The following LRRC37A3 variants were observed in gnomAD, a reference collection of about 807,000 sequenced individuals.
The protein encoded by LRRC37A3 is leucine rich repeat containing 37 member A3.
Under a neutral mutation model 106.2 loss-of-function variants are expected in LRRC37A3, and 25 were observed. That is an observed-to-expected ratio of 0.24 (90% CI 0.17 to 0.33). The LOEUF (loss-of-function observed/expected upper bound fraction) is 0.33, where lower values mean the gene tolerates loss of function less well. LRRC37A3 is among the 10% of genes least tolerant of loss of function. LRRC37A3 has a pLI of 1.00. For missense variants in LRRC37A3, 712 were observed against 1,644.9 expected (o/e 0.43, Z 9.81); for synonymous variants, 305 against 635.8 (o/e 0.48, Z 7.83).
intron 1 of LRRC37A3, among the ~76,000 whole-genome samples, chr17:64,919,104 G>A (rs1273272013): frequency 6.6e-6 from 1 of 151,684 alleles, no homozygotes; most frequent in African/African-American, 2.4e-5. Context: ...CAGCCTGGGC[G>A]GCGGCCCACC....
intron 2 of LRRC37A3, among the ~76,000 whole-genome samples, chr17:64,909,435 C>A (rs1462019952): frequency 6.6e-6 from 1 of 152,142 alleles, no homozygotes; most frequent in Non-Finnish European, 1.5e-5. Flanking sequence ...TGAAAAGCTG[C>A]CTTGAAACAG....
intron 8 of LRRC37A3, among the ~76,000 whole-genome samples, chr17:64,878,596 T>C (rs1041757774): frequency 6.6e-6 from 1 of 152,234 alleles, no homozygotes; most frequent in African/African-American, 2.4e-5. Flanking sequence ...ATGTCTTAAA[T>C]CATTAGGGAA....
At chr17:64,868,657 C>T in intron 9 of LRRC37A3, 121 bp from the exon 10 acceptor site, 1 of 1,378,748 alleles carries the variant, frequency 7.3e-7, no homozygotes, top group Non-Finnish European at 1.0e-6. Flanking sequence ...CTGTAGAATT[C>T]CAGGGAGCTC....
chr17:64,854,609 G>A lies in LRRC37A3; in HGVS notation c.4895C>T (p.Ala1632Val), dbSNP rs1972612219. ...GGCTGGGTTCTCCTCCTATGGCAGG[G>A]CTTCACTCTCCTCCTCCGTTGGGGC... ...SEAPTEEESE[A>V]LP Residue 1632 changes from alanine (A) to valine (V), a missense_variant, in exon 15 of 15, where the codon GCC becomes GTC. Physicochemically the swap from Ala to Val is moderately conservative, Grantham distance 64 (BLOSUM62 0). Coordinates refer to ENST00000584306, the MANE Select transcript of LRRC37A3 (RefSeq NM_199340.5). 8.7e-6 allele frequency: 14 copies of A among 1,613,882 alleles called. No individual in the cohort carries two copies. The highest frequency in any genetic ancestry group is 1.3e-5 in the African/African-American group (1 of 75,030).
intron 11 of LRRC37A3, among the ~76,000 whole-genome samples, chr17:64,861,490 T>G (rs1972869704): frequency 6.6e-6 from 1 of 152,226 alleles, no homozygotes; most frequent in Non-Finnish European, 1.5e-5. Flanking sequence ...CCCCTCCCAT[T>G]GCTGACAGAT....
In LRRC37A3 at chr17:64,854,474, C is replaced by T. The variant is rs1972608473; in HGVS notation, c.*125G>A. 4 of 1,386,340 alleles carry T rather than the reference C, an allele frequency of 2.9e-6. No individual in the cohort carries two copies. The African/African-American group carries it at 4.3e-5, about 15-fold the overall frequency. 85.9% of individuals were successfully genotyped at this position (1,386,340 alleles called of 1,614,324 possible). A position where few individuals can be genotyped will look rare whatever the true frequency, so the allele number is the denominator to read the frequency against. On this transcript the variant is annotated 3_prime_UTR_variant, in exon 15 of 15. Transcript: ENST00000584306. ...GGAAACAAGGGCAGGAACGATGGCC[C>T]TGTGCTTGCTCTGCCCGCTGCCTCT...
intron 2 of LRRC37A3, chr17:64,901,329 GAAGT>G (rs1274324613): frequency 3.3e-5 from 5 of 151,006 alleles, no homozygotes; most frequent in Admixed American, 3.3e-4. Context: ...GTGGGGGGTC[GAAGT>G]AAGTTCAAAT....
At chr17:64,883,065 T>C (rs1031836546) in intron 8 of LRRC37A3, among the ~76,000 whole-genome samples, 1 of 152,010 alleles carries the variant, frequency 6.6e-6, no homozygotes, top group African/African-American at 2.4e-5. Flanking sequence ...TGCTTTTCCA[T>C]AAACCATTTC....
At chr17:64,858,677 A>T in intron 13 of LRRC37A3, 102 bp downstream of exon 13, 1 of 844,044 alleles carries the variant, frequency 1.2e-6, no homozygotes, top group South Asian at 1.4e-5. Context: ...TATGTCAAGT[A>T]GCAGCAGGTG....
At chr17:64,869,832 C>A (rs1022842349) in intron 8 of LRRC37A3, among the ~76,000 whole-genome samples, 1 of 151,652 alleles carries the variant, frequency 6.6e-6, no homozygotes, top group Non-Finnish European at 1.5e-5. Flanking sequence ...TGAGCCACTG[C>A]GGCTGGCTGC....
chr17:64,905,084 A>C, intron 2 of LRRC37A3, among the ~76,000 whole-genome samples: 1 of 152,178 alleles, frequency 6.6e-6, no homozygotes, highest in Admixed American at 6.5e-5. Context: ...TAAATTTATT[A>C]ATTAATAAAT....
chr17:64,869,009 G>A lies in LRRC37A3; in HGVS notation c.2978+86C>T, dbSNP rs1973216737. 4.0e-6 allele frequency: 6 copies of A among 1,514,894 alleles called. No individual in the cohort carries two copies. In the East Asian group the frequency reaches 1.4e-4, roughly 35 times the overall value. 93.8% of individuals were successfully genotyped at this position (1,514,894 alleles called of 1,614,324 possible). A position where few individuals can be genotyped will look rare whatever the true frequency, so the allele number is the denominator to read the frequency against. On this transcript the variant is annotated intron_variant, in intron 9 of 14. Coordinates refer to ENST00000584306, the MANE Select transcript of LRRC37A3 (RefSeq NM_199340.5). ...TTAAAATTTAAATTATGACATTTTAGCCTAAATGCAAAATACTTAAGCTTT... is the reference window on the plus strand; with the variant it reads ...TTAAAATTTAAATTATGACATTTTAACCTAAATGCAAAATACTTAAGCTTT...
chr17:64,890,259 C>G, intron 5 of LRRC37A3, among the ~76,000 whole-genome samples: 1 of 138,920 alleles, frequency 7.2e-6, no homozygotes, highest in Non-Finnish European at 1.5e-5. Context: ...ATTTTTGAGA[C>G]AGGGTCTCAC....
intron 2 of LRRC37A3, among the ~76,000 whole-genome samples, chr17:64,917,821 C>T (rs146684065): frequency 1.4e-5 from 2 of 141,956 alleles, no homozygotes; most frequent in South Asian, 2.1e-4. Context: ...ACCAAAAATT[C>T]GCCAGGCGTA....
At chr17:64,893,716 C>T (rs1472433870) in intron 4 of LRRC37A3, among the ~76,000 whole-genome samples, 4 of 133,500 alleles carry the variant, frequency 3.0e-5, no homozygotes, top group African/African-American at 1.3e-4. Flanking sequence ...GTGGTGCAAT[C>T]TCGGCTCACT....
intron 8 of LRRC37A3, among the ~76,000 whole-genome samples, chr17:64,872,128 T>C (rs1447406582): frequency 1.0e-5 from 1 of 98,612 alleles, no homozygotes; most frequent in East Asian, 2.8e-4. Flanking sequence ...TGAGACTCTG[T>C]CTCAAAAAAA....
Position 64,860,984 on chromosome 17 carries a change from A to G in LRRC37A3, c.3173-11T>C. Reference sequence around the variant, plus strand: ...CAGATGCTTCTTCAGCTGTCAAAAAAGAAGAGACTGCTTTGATCATGAAAG... The same window carrying G: ...CAGATGCTTCTTCAGCTGTCAAAAAGGAAGAGACTGCTTTGATCATGAAAG... On this transcript the variant is annotated splice_polypyrimidine_tract_variant and intron_variant, in intron 11 of 14. Transcript: ENST00000584306. 3 of 1,613,896 alleles carry G rather than the reference A, an allele frequency of 1.9e-6. No individual in the cohort carries two copies. The highest frequency in any genetic ancestry group is 2.2e-5 in the East Asian group (1 of 44,878).
At chr17:64,881,120 G>A (rs578204101) in intron 8 of LRRC37A3, 17 of 700,776 alleles carry the variant, frequency 2.4e-5, no homozygotes, top group Admixed American at 1.0e-4. Flanking sequence ...ACATAGGTTC[G>A]TGAGCCACAC....
rs764924173 is a variant in LRRC37A3, at chr17:64,868,454, T to A, written c.3053+8A>T. 15 of 1,609,636 alleles carry A rather than the reference T, an allele frequency of 9.3e-6. No homozygotes were observed. The highest frequency in any genetic ancestry group is 1.3e-5 in the African/African-American group (1 of 74,600). On this transcript the variant is annotated splice_region_variant and intron_variant, in intron 10 of 14. Transcript: ENST00000584306. ...CGTAAAAATAAATCTCGGAAAAAAA[T>A]AACTTACAGTTTTTCCAGTTCAACA...
Sources: allele counts gnomAD v4.1 joint callset (sites outside exome capture counted in the v4.1 genomes callset), GRCh38; gene constraint gnomAD v4.1.1; transcripts MANE v1.5; gene names NCBI Gene and HGNC (gene_info 2026-07-23, HGNC 2026-07-21).